The following TMEM217B variants were observed in gnomAD, a reference collection of about 807,000 sequenced individuals.
The protein encoded by TMEM217B is putative transmembrane protein 217B.
chr6:37,246,246 AAGC>A, the TMEM217B span, among the ~76,000 whole-genome samples: 1 of 152,200 alleles, frequency 6.6e-6, no homozygotes, highest in African/African-American at 2.4e-5. Context: ...TTAAAACCAC[AAGC>A]ATCTATTTTT....
the TMEM217B span, among the ~76,000 whole-genome samples, chr6:37,254,457 A>G: frequency 6.6e-6 from 1 of 152,210 alleles, no homozygotes; most frequent in Non-Finnish European, 1.5e-5. Flanking sequence ...CATTCCAGGT[A>G]CAGGCACATT....
chr6:37,255,258 T>C, the TMEM217B span, among the ~76,000 whole-genome samples: 1 of 152,122 alleles, frequency 6.6e-6, no homozygotes, highest in Non-Finnish European at 1.5e-5. Flanking sequence ...CATAATGAGA[T>C]GAGACTGGAG....
the TMEM217B span, among the ~76,000 whole-genome samples, chr6:37,250,054 T>A: frequency 6.6e-6 from 1 of 152,244 alleles, no homozygotes; most frequent in Non-Finnish European, 1.5e-5. Flanking sequence ...TAAAATGGAC[T>A]ATTACAACAG....
the TMEM217B span, among the ~76,000 whole-genome samples, chr6:37,229,364 A>G: frequency 7.2e-4 from 3 of 4,190 alleles, no homozygotes; most frequent in East Asian, 0.014. Flanking sequence ...TTTTTTTGAG[A>G]CAGTGTCTCG....
the TMEM217B span, among the ~76,000 whole-genome samples, chr6:37,235,848 C>A: frequency 9.9e-5 from 15 of 152,146 alleles, no homozygotes; most frequent in Non-Finnish European, 1.6e-4. Context: ...AAAGCACTAA[C>A]CCATTTTGAA....
At chr6:37,222,002 T>C in the TMEM217B span, among the ~76,000 whole-genome samples, 1 of 152,104 alleles carries the variant, frequency 6.6e-6, no homozygotes, top group Non-Finnish European at 1.5e-5. Flanking sequence ...GTCCTCCCAT[T>C]GTCTCCTGCT....
the TMEM217B span, among the ~76,000 whole-genome samples, chr6:37,221,593 G>A: frequency 6.6e-6 from 1 of 152,084 alleles, no homozygotes; most frequent in Non-Finnish European, 1.5e-5. Flanking sequence ...TTTGATTACT[G>A]CATTAAAATA....
At chr6:37,225,965 GAAAT>G in the TMEM217B span, among the ~76,000 whole-genome samples, 1 of 152,196 alleles carries the variant, frequency 6.6e-6, no homozygotes, top group Non-Finnish European at 1.5e-5. Flanking sequence ...ACTTGAGAGA[GAAAT>G]AAACTCCTAT....
chr6:37,219,059 A>C, the TMEM217B span: 1 of 1,590,760 alleles, frequency 6.3e-7, no homozygotes, highest in African/African-American at 1.3e-5. Context: ...GACAAACAAC[A>C]TGAGGGAGAA....
At chr6:37,215,086 C>G in the TMEM217B span, 1 of 1,425,314 alleles carries the variant, frequency 7.0e-7, no homozygotes, top group Middle Eastern at 2.2e-4. Context: ...GCTGCCCCAG[C>G]CTTGGTCTCC....
At chr6:37,241,266 C>T in the TMEM217B span, among the ~76,000 whole-genome samples, 5 of 150,552 alleles carry the variant, frequency 3.3e-5, no homozygotes, top group Non-Finnish European at 4.4e-5. Flanking sequence ...TTTTTAGAAA[C>T]GGGGTCTCAC....
chr6:37,244,789 A>C, the TMEM217B span, among the ~76,000 whole-genome samples: 2 of 152,204 alleles, frequency 1.3e-5, no homozygotes, highest in African/African-American at 4.8e-5. Context: ...GGCTGAGCTG[A>C]GCTGATCTCA....
the TMEM217B span, chr6:37,218,890 T>G: frequency 6.2e-7 from 1 of 1,614,162 alleles, no homozygotes; most frequent in Non-Finnish European, 8.5e-7. Context: ...CCCTGTACTT[T>G]GGTGTGATCT....
chr6:37,245,003 C>T, the TMEM217B span, among the ~76,000 whole-genome samples: 18 of 152,264 alleles, frequency 1.2e-4, 1 homozygote, highest in Admixed American at 1.1e-3. Context: ...GTTCTCATGG[C>T]AATGGCAGAG....
the TMEM217B span, among the ~76,000 whole-genome samples, chr6:37,219,799 T>C: frequency 6.6e-6 from 1 of 152,078 alleles, no homozygotes; most frequent in Non-Finnish European, 1.5e-5. Context: ...GCCCAGATGG[T>C]GAAAATTGCC....
the TMEM217B span, among the ~76,000 whole-genome samples, chr6:37,228,959 T>C: frequency 6.6e-6 from 1 of 151,660 alleles, no homozygotes; most frequent in South Asian, 2.1e-4. Context: ...ATTGTGCCAC[T>C]GCACTCCAGC....
the TMEM217B span, chr6:37,212,632 T>A: frequency 1.9e-6 from 1 of 525,404 alleles, no homozygotes; most frequent in South Asian, 1.5e-5. Context: ...CTTGAAGTGA[T>A]CTTTGATGAT....
chr6:37,220,322 G>A, the TMEM217B span, among the ~76,000 whole-genome samples: 2 of 152,322 alleles, frequency 1.3e-5, no homozygotes, highest in Admixed American at 6.5e-5. Flanking sequence ...TGACAGCAAT[G>A]CAGGGTAAAG....
the TMEM217B span, among the ~76,000 whole-genome samples, chr6:37,225,354 A>C: frequency 3.9e-5 from 6 of 152,142 alleles, no homozygotes; most frequent in African/African-American, 1.4e-4. Flanking sequence ...TGAGAGATTC[A>C]CAAGTGTTCA....
Sources: allele counts gnomAD v4.1 joint callset (sites outside exome capture counted in the v4.1 genomes callset), GRCh38; gene constraint gnomAD v4.1.1; transcripts MANE v1.5; gene names NCBI Gene and HGNC (gene_info 2026-07-23, HGNC 2026-07-21).